The following SEMA3D variants were observed in gnomAD, a reference collection of about 807,000 sequenced individuals.
SEMA3D encodes semaphorin-3D.
In SEMA3D, 84 loss-of-function variants were observed where a neutral mutation model predicts 100.1. That is an observed-to-expected ratio of 0.84 (90% confidence interval 0.70 to 1.01). The LOEUF (loss-of-function observed/expected upper bound fraction) is 1.01. Among genes scored for constraint, SEMA3D ranks in the 50% least tolerant of loss-of-function variants. The pLI is 0.00. For missense variants in SEMA3D, 875 were observed against 934.1 expected (o/e 0.94, Z 0.82); for synonymous variants, 312 against 320.7 (o/e 0.97, Z 0.29).
the SEMA3D span, among the ~76,000 whole-genome samples, chr7:85,245,341 A>T: frequency 7.9e-5 from 12 of 152,320 alleles, no homozygotes; most frequent in East Asian, 1.5e-3. Context: ...AATAAGAAAA[A>T]TTCTTTACAG....
chr7:85,024,540 G>A (rs1584531679), intron 12 of SEMA3D, among the ~76,000 whole-genome samples: 1 of 151,876 alleles, frequency 6.6e-6, no homozygotes, highest in East Asian at 2.0e-4. Flanking sequence ...TCATTGCTCC[G>A]ACAAAAATGG....
At chr7:85,010,683 C>A (rs571282459) in intron 17 of SEMA3D, among the ~76,000 whole-genome samples, 7 of 151,782 alleles carry the variant, frequency 4.6e-5, no homozygotes, top group Non-Finnish European at 1.0e-4. Flanking sequence ...GTCTGCTGAA[C>A]AAATAAGTCT....
the SEMA3D span, among the ~76,000 whole-genome samples, chr7:85,238,507 T>C: frequency 6.6e-6 from 1 of 152,214 alleles, no homozygotes; most frequent in South Asian, 2.1e-4. Context: ...ATCAATGGGC[T>C]ACAATTATTG....
chr7:85,098,093 AAGAAAGAAAGAAAG>A (rs1416407420), intron 3 of SEMA3D, 128 bp from the exon 4 acceptor site: 2 of 577,120 alleles, frequency 3.5e-6, no homozygotes, highest in Admixed American at 3.7e-5. Context: ...AGAAAGAAAA[AAGAAAGAAAGAAAG>A]AGAAAGAAAG....
At chr7:85,165,585 G>T (rs1399079457) in intron 1 of SEMA3D, among the ~76,000 whole-genome samples, 1 of 152,020 alleles carries the variant, frequency 6.6e-6, no homozygotes, top group Non-Finnish European at 1.5e-5. Flanking sequence ...CTTTATTTGA[G>T]TTTACCTTAT....
chr7:85,094,349 G>A (rs376191973), intron 4 of SEMA3D, among the ~76,000 whole-genome samples: 1 of 152,114 alleles, frequency 6.6e-6, no homozygotes, highest in Non-Finnish European at 1.5e-5. Context: ...AACTCTTACC[G>A]TTGTGGTGAA....
intron 2 of SEMA3D, chr7:85,142,650 T>C (rs1790087721): frequency 2.0e-6 from 2 of 982,194 alleles, no homozygotes; most frequent in Non-Finnish European, 2.4e-6. Context: ...AGAGATTCTT[T>C]AGAAGAAAGC....
At chr7:85,054,052 G>T (rs1308977362) in intron 9 of SEMA3D, among the ~76,000 whole-genome samples, 1 of 151,694 alleles carries the variant, frequency 6.6e-6, no homozygotes, top group Non-Finnish European at 1.5e-5. Flanking sequence ...TAGAGAATAG[G>T]TTATAATTTT....
At chr7:85,128,059 A>C (rs73181443) in intron 2 of SEMA3D, among the ~76,000 whole-genome samples, 88 of 152,164 alleles carry the variant, frequency 5.8e-4, no homozygotes, top group South Asian at 1.0e-3. Flanking sequence ...GACTTGAATA[A>C]AGCAGAGTAG....
chr7:85,005,014 A>G (rs1789754810), intron 18 of SEMA3D, among the ~76,000 whole-genome samples: 1 of 151,382 alleles, frequency 6.6e-6, no homozygotes, highest in East Asian at 1.9e-4. Flanking sequence ...AGTGCAAACA[A>G]CCACAGGCAA....
intron 8 of SEMA3D, among the ~76,000 whole-genome samples, chr7:85,065,132 C>A (rs73703761): frequency 6.6e-6 from 1 of 151,852 alleles, no homozygotes; most frequent in African/African-American, 2.4e-5. Flanking sequence ...ATAGTTTATG[C>A]GTATTAAAGA....
At chr7:85,074,809 A>T (rs1791878345) in intron 5 of SEMA3D, among the ~76,000 whole-genome samples, 1 of 151,882 alleles carries the variant, frequency 6.6e-6, no homozygotes, top group African/African-American at 2.4e-5. Context: ...TTGTAGAGAC[A>T]GGGTCTCGCT....
At chr7:85,065,388 A>T (rs1562803006) in intron 8 of SEMA3D, 36 bp downstream of exon 8, 1 of 1,601,524 alleles carries the variant, frequency 6.2e-7, no homozygotes, top group Admixed American at 1.7e-5. Flanking sequence ...AAACCAAAGC[A>T]AGACAATCAA....
chr7:85,142,918 T>C (rs892702550), intron 2 of SEMA3D: 22 of 985,156 alleles, frequency 2.2e-5, no homozygotes, highest in Non-Finnish European at 2.7e-5. Flanking sequence ...TCTCTGGGAA[T>C]CCCAAATGCT....
At chr7:85,012,724 A>G in intron 17 of SEMA3D, 58 bp downstream of exon 17, 1 of 1,279,260 alleles carries the variant, frequency 7.8e-7, no homozygotes, top group East Asian at 2.3e-5. Flanking sequence ...ATAAAAAGAT[A>G]CAAAGAGTGG....
At chr7:85,080,445 T>C (rs571464283) in intron 5 of SEMA3D, among the ~76,000 whole-genome samples, 88 of 152,304 alleles carry the variant, frequency 5.8e-4, no homozygotes, top group African/African-American at 2.0e-3. Context: ...CTATTCATCC[T>C]TTCATATAAC....
At position 85,074,002 on chromosome 7, in the gene SEMA3D, T is replaced by C. The variant is rs148300382; in HGVS notation, c.376-921A>G. ...CTCTCTCTTTTTAGAGTATTTATTCTTGTTATTGTATATTATTTTCAACCT... is the reference window on the plus strand; with the variant it reads ...CTCTCTCTTTTTAGAGTATTTATTCCTGTTATTGTATATTATTTTCAACCT... On this transcript the variant is annotated intron_variant, in intron 5 of 18. Coordinates refer to ENST00000284136, the MANE Select transcript of SEMA3D (RefSeq NM_001384900.1). Among the ~76,000 whole-genome samples the C allele has an allele frequency of 1.2e-3, 185 of 152,352 alleles. 7 individuals are homozygous for C. In the East Asian group the frequency reaches 0.028, roughly 23 times the overall value.
chr7:85,163,852 A>T (rs1790814859), intron 1 of SEMA3D, among the ~76,000 whole-genome samples: 1 of 152,134 alleles, frequency 6.6e-6, no homozygotes. Context: ...AGGAAAGGTA[A>T]TTTTTGCCAA....
intron 3 of SEMA3D, among the ~76,000 whole-genome samples, chr7:85,102,957 A>G (rs1252150516): frequency 6.6e-6 from 1 of 152,084 alleles, no homozygotes; most frequent in East Asian, 1.9e-4. Context: ...AAATGATTTA[A>G]CATTGCCCTG....
Sources: gnomAD v4.1 joint callset for allele counts (sites outside exome capture counted in the v4.1 genomes callset) on GRCh38, gnomAD v4.1.1 for gene constraint, MANE v1.5 for transcripts, NCBI Gene and HGNC (gene_info 2026-07-23, HGNC 2026-07-21) for gene names.